The following SHKBP1 variants were observed in gnomAD, a reference collection of about 807,000 sequenced individuals.
The protein encoded by SHKBP1 is SH3KBP1 binding protein 1, also known as SH3KBP1-binding protein 1.
In SHKBP1, 71 loss-of-function variants were observed where a neutral mutation model predicts 83.9. The ratio of observed to expected loss-of-function variants is 0.85; its 90% CI spans 0.70 to 1.03. SHKBP1 has a LOEUF of 1.03. Among genes scored for constraint, SHKBP1 ranks in the 50% least tolerant of loss-of-function variants. The probability of loss-of-function intolerance (pLI) is 0.00; values close to 1 mark genes in which losing one functional copy is unlikely to be tolerated. For synonymous variants in SHKBP1, 371 were observed against 398.0 expected, an observed-to-expected ratio of 0.93 and a Z score of 0.81; for missense variants, 824 against 982.4, an observed-to-expected ratio of 0.84 and a Z score of 2.16.
intron 13 of SHKBP1, 68 bp from the exon 14 acceptor site, chr19:40,588,556 C>A: frequency 6.3e-7 from 1 of 1,596,342 alleles, no homozygotes; most frequent in South Asian, 1.1e-5. Flanking sequence ...TGTCCTGAGG[C>A]TCTGGACGGG....
At position 40,590,648 on chromosome 19, in the gene SHKBP1, C is replaced by G. The variant is rs369125317; in HGVS notation, c.1769-82C>G. 59 of 1,485,502 alleles carry G rather than the reference C, an allele frequency of 4.0e-5. No homozygotes were observed. The highest frequency in any genetic ancestry group is 4.9e-5 in the Non-Finnish European group (54 of 1,108,950). 92.0% of individuals were successfully genotyped at this position (1,485,502 alleles called of 1,614,324 possible). ...GCTTCCTCTCTCCTGTCCTGACCCT[C>G]GGTGCTTGCACTGCAATGCAACCCA... On this transcript the variant is annotated intron_variant, in intron 16 of 17. Coordinates refer to ENST00000291842, the MANE Select transcript of SHKBP1 (RefSeq NM_138392.4). This position sits in a 1 kb window ranked among gnomAD's most constrained non-coding sequence, Gnocchi z 4.6.
rs2081225955 is a variant in SHKBP1, at chr19:40,577,421, C to T, written c.166C>T (p.Leu56=). The part of the protein sequence containing the change: ...SSLLSGRIST[L]KDETGAIFID... ...TCTTCTGAGCGGACGCATCTCGACG[C>T]TGAAAGATGAGACCGGAGCAGTGAG... The change falls in exon 3 of 18, where the codon CTG becomes TTG. Residue 56 remains leucine (L), a synonymous_variant. Transcript: ENST00000291842. 3.1e-6 allele frequency: 5 copies of T among 1,613,732 alleles called. No individual in the cohort carries two copies. The highest frequency in any genetic ancestry group is 4.2e-6 in the Non-Finnish European group (5 of 1,179,958).
intron 13 of SHKBP1, among the ~76,000 whole-genome samples, chr19:40,587,894 ACT>A (rs774644964): frequency 3.3e-5 from 5 of 152,120 alleles, no homozygotes; most frequent in Non-Finnish European, 5.9e-5. Context: ...ACAAAGCAAG[ACT>A]CTATCTCATA....
rs1206915794 is a variant in SHKBP1 at position 40,591,115 on chromosome 19, C to T, written c.2032C>T (p.Arg678Ter). The T allele has an allele frequency of 7.5e-6, 12 of 1,609,200 alleles. No homozygotes were observed. Among genetic ancestry groups the T allele is most frequent in the Admixed American group, 3.3e-5 (2 of 59,872 alleles). The change falls in exon 18 of 18, where the codon CGA becomes TGA. Residue 678 changes from arginine to a stop codon, truncating the protein, a stop_gained. Coordinates refer to ENST00000291842, the MANE Select transcript of SHKBP1 (RefSeq NM_138392.4). LOFTEE classifies it high-confidence loss of function. Reference sequence around the variant, plus strand: ...ACTGGTGCGGAGTGGGCCAGACCTCCGACGGCCACCCACACCAGCCCCGTG... The same window carrying T: ...ACTGGTGCGGAGTGGGCCAGACCTCTGACGGCCACCCACACCAGCCCCGTG... The part of the protein sequence containing the change: ...QELVRSGPDL[R>*]RPPTPAPWPS...
rs1450366188 is a variant in SHKBP1, at chr19:40,583,622, G to A, written c.1070G>A (p.Arg357His). The change falls in exon 12 of 18, where the codon CGC becomes CAC. Residue 357 changes from arginine (R) to histidine (H), a missense_variant. Around this residue, in one of 3 missense-constraint regions of SHKBP1, gnomAD observed 182 missense variants for 273.1 expected, o/e 0.67. Coordinates refer to ENST00000291842, the MANE Select transcript of SHKBP1 (RefSeq NM_138392.4). The stretch of plus-strand genomic sequence containing the variant: ...CCAGATGTGCAGAAGTTCCCCTTGC[G>A]CATGAAAGACAACGACCTCCTTGTC... The part of the protein sequence containing the change: ...YYVDVQKFPL[R>H]MKDNDLLVSE... The A allele has an allele frequency of 1.2e-6, 2 of 1,613,598 alleles. No individual in the cohort carries two copies. The highest frequency in any genetic ancestry group is 1.7e-5 in the Admixed American group (1 of 59,980).
At chr19:40,577,789 C>T in intron 4 of SHKBP1, 159 bp downstream of exon 4, 1 of 893,186 alleles carries the variant, frequency 1.1e-6, no homozygotes, top group Non-Finnish European at 1.8e-6. Context: ...CGCCTGTAAT[C>T]CCAACACTTT....
chr19:40,590,316 G>T lies in SHKBP1; in HGVS notation c.1662G>T (p.Arg554=), dbSNP rs1237807448. Residue 554 remains arginine (R), a synonymous_variant, in exon 16 of 18, where the codon CGG becomes CGT. Transcript: ENST00000291842. The surrounding 1 kb of genome is among the most constrained non-coding windows in gnomAD (Gnocchi z 4.6). ...AFTVLECEGS[R]RLGSRPRRYL... ...CAGTGCTGGAGTGCGAGGGCTCCCG[G>T]CGGCTCGGCTCTCGGCCCCGGCGCT... 2 of 1,609,662 alleles carry T rather than the reference G, an allele frequency of 1.2e-6. No homozygotes were observed. The highest frequency in any genetic ancestry group is 8.5e-7 in the Non-Finnish European group (1 of 1,178,498).
rs1222486142 is a variant in SHKBP1, at chr19:40,586,833, A to T, written c.1225A>T (p.Ile409Phe). Reference sequence around the variant, plus strand: ...CACCAGCTCAGGGGGCGTGCGGGTCATCGTGCAGCACCCGGAGACTGTGGG... The same window carrying T: ...CACCAGCTCAGGGGGCGTGCGGGTCTTCGTGCAGCACCCGGAGACTGTGGG... ...YGTSSGGVRV[I>F]VQHPETVGSG... Residue 409 changes from isoleucine to phenylalanine, a missense_variant, in exon 13 of 18, where the codon ATC becomes TTC. Physicochemically the swap from Ile to Phe is conservative, Grantham distance 21. Coordinates refer to ENST00000291842, the MANE Select transcript of SHKBP1 (RefSeq NM_138392.4). The T allele has an allele frequency of 6.2e-7, 1 of 1,611,924 alleles. No homozygotes were observed.
chr19:40,580,031 C>CAAAA (rs35620022), intron 6 of SHKBP1: 89 of 64,062 alleles, frequency 1.4e-3, no homozygotes, highest in South Asian at 1.7e-3. Context: ...AACTCCAACT[C>CAAAA]AAAAAAAAAA....
At position 40,580,757 on chromosome 19, in the gene SHKBP1, C is replaced by A. The variant is rs2081262651; in HGVS notation, c.665C>A (p.Ala222Asp). Residue 222 changes from alanine to aspartate, a missense_variant, in exon 9 of 18, where the codon GCC becomes GAC. Ala to Asp is a moderately radical substitution (Grantham distance 126). Around this residue, in one of 3 missense-constraint regions of SHKBP1, gnomAD observed 355 missense variants for 386.4 expected, o/e 0.92. Coordinates refer to ENST00000291842, the MANE Select transcript of SHKBP1 (RefSeq NM_138392.4). ...QFLVCYRLKEASGWQLVFSSP... is the reference protein window; with the variant it reads ...QFLVCYRLKEDSGWQLVFSSP... ...CCTCGATCCTACAGGTTGAAGGAAGCCTCTGGCTGGCAGCTGGTGTTTTCC... is the reference window on the plus strand; with the variant it reads ...CCTCGATCCTACAGGTTGAAGGAAGACTCTGGCTGGCAGCTGGTGTTTTCC... 1 of 1,610,478 alleles carries A rather than the reference C, an allele frequency of 6.2e-7. No homozygotes were observed. Among genetic ancestry groups the A allele is most frequent in the Non-Finnish European group, 8.5e-7 (1 of 1,177,782 alleles).
rs769257591 is a variant in SHKBP1, at chr19:40,588,710, G to A, written c.1423G>A (p.Ala475Thr). 15 of 1,613,984 alleles carry A rather than the reference G, an allele frequency of 9.3e-6. No individual in the cohort carries two copies. Among genetic ancestry groups the A allele is most frequent in the East Asian group, 2.2e-5 (1 of 44,892 alleles). ...ISTQPGSTPL[A>T]SFKILALESA... ...CACCCAGCCCGGCTCCACCCCACTC[G>A]CTTCCTTTAAGATCCTGGCTCTGGA... Residue 475 changes from alanine to threonine, a missense_variant, in exon 14 of 18, where the codon GCT becomes ACT. Ala to Thr is a moderately conservative substitution (Grantham distance 58, BLOSUM62 0). Around this residue, in one of 3 missense-constraint regions of SHKBP1, gnomAD observed 182 missense variants for 273.1 expected, o/e 0.67. Transcript: ENST00000291842.
At chr19:40,577,113 A>G in intron 1 of SHKBP1, 118 bp from the exon 2 acceptor site, 1 of 1,328,228 alleles carries the variant, frequency 7.5e-7, no homozygotes, top group Non-Finnish European at 1.1e-6. Context: ...GAGGCGCGAG[A>G]TTCTGGAAAA....
intron 2 of SHKBP1, 56 bp downstream of exon 2, chr19:40,577,340 G>T (rs1163769502): frequency 3.4e-5 from 55 of 1,613,654 alleles, no homozygotes; most frequent in Non-Finnish European, 4.4e-5. Flanking sequence ...GGGCGTGGGA[G>T]ACCTAATATC....
intron 12 of SHKBP1, chr19:40,585,530 T>C (rs1174446868): frequency 6.7e-6 from 1 of 150,284 alleles, no homozygotes; most frequent in Non-Finnish European, 1.5e-5. Context: ...TTTTTTTCTT[T>C]CTTTCTTTTT....
chr19:40,588,351 G>T (rs1311298542), intron 13 of SHKBP1, among the ~76,000 whole-genome samples: 1 of 152,224 alleles, frequency 6.6e-6, no homozygotes, highest in Non-Finnish European at 1.5e-5. Context: ...TGGGAGGGGC[G>T]TGCTGATACG....
In SHKBP1 at chr19:40,577,608, C is replaced by T. The variant is rs1420192704; in HGVS notation, c.238C>T (p.Arg80Cys). Residue 80 changes from arginine (R) to cysteine (C), a missense_variant, in exon 4 of 18, where the codon CGC becomes TGC. Transcript: ENST00000291842. ...TVFAPILNFL[R>C]TKELDPRGVH... ...CTTCGCCCCCATCCTCAACTTCCTG[C>T]GCACCAAAGAGTTGGATCCCAGGTT... 6.2e-7 allele frequency: 1 copy of T among 1,614,072 alleles called. No homozygotes were observed. The highest frequency in any genetic ancestry group is 8.5e-7 in the Non-Finnish European group (1 of 1,180,014).
Position 40,589,090 on chromosome 19 carries a change from G to C in SHKBP1, c.1501G>C (p.Gly501Arg). Residue 501 changes from glycine (G) to arginine (R), a missense_variant, in exon 15 of 18, where the codon GGT becomes CGT. Physicochemically the swap from Gly to Arg is moderately radical, Grantham distance 125 (BLOSUM62 -2). This residue lies in a region of SHKBP1 where 287 missense variants were observed against 322.9 expected (regional missense o/e 0.89). Transcript: ENST00000291842. ...GCCCCTGCCTGGCCCAGGCCCCTAC[G>C]GTGAGCGGGACGACCAGCAAGTGTT... is the stretch of plus-strand genomic sequence containing the variant. Reference protein sequence around the residue: ...CSAGNDIGPYGERDDQQVFIQ... With the variant: ...CSAGNDIGPYRERDDQQVFIQ... 1 of 1,612,514 alleles carries C rather than the reference G, an allele frequency of 6.2e-7. No individual in the cohort carries two copies. The highest frequency in any genetic ancestry group is 8.5e-7 in the Non-Finnish European group (1 of 1,180,008).
chr19:40,580,647 T>G lies in SHKBP1; in HGVS notation c.644T>G (p.Val215Gly). Residue 215 changes from valine (V) to glycine (G), a missense_variant, in exon 8 of 18, where the codon GTC (valine) becomes GGC (glycine). By Grantham distance (109) the Val-to-Gly change is moderately radical. Coordinates refer to ENST00000291842, the MANE Select transcript of SHKBP1 (RefSeq NM_138392.4). ...WIAVAYTQFL[V>G]CYRLKEASGW... ...GCTGTGGCCTATACCCAGTTTCTAG[T>G]CTGCTACAGGTGCTTGGGGAGGGAG... is the stretch of plus-strand genomic sequence containing the variant. 1 of 1,614,126 alleles carries G rather than the reference T, an allele frequency of 6.2e-7. No homozygotes were observed. Among genetic ancestry groups the G allele is most frequent in the Non-Finnish European group, 8.5e-7 (1 of 1,180,020 alleles).
In SHKBP1 at chr19:40,590,240, C is replaced by A; in HGVS notation, c.1590-4C>A. ...GTGACCACCTCCCCCACTGCACCCC[C>A]CAGGGTGTGCTCCGTGCGCTCCGTG... On this transcript the variant is annotated splice_polypyrimidine_tract_variant and splice_region_variant and intron_variant, in intron 15 of 17. Transcript: ENST00000291842. The surrounding 1 kb of genome is among the most constrained non-coding windows in gnomAD (Gnocchi z 4.6). 1 of 1,575,404 alleles carries A rather than the reference C, an allele frequency of 6.3e-7. No individual in the cohort carries two copies. Among genetic ancestry groups the A allele is most frequent in the Non-Finnish European group, 8.6e-7 (1 of 1,162,292 alleles).
Sources: gnomAD v4.1 joint callset for allele counts (sites outside exome capture counted in the v4.1 genomes callset) on GRCh38, gnomAD v4.1.1 for gene constraint, gnomAD v4.1.1 regional missense constraint, Gnocchi (gnomAD v3.1) non-coding constraint, MANE v1.5 for transcripts, NCBI Gene and HGNC (gene_info 2026-07-23, HGNC 2026-07-21) for gene names.